SPON1: variants seen among roughly 807,000 people sequenced by gnomAD.
SPON1 encodes the protein spondin 1.
In SPON1, 52 loss-of-function variants were observed where a neutral mutation model predicts 111.7. That is an observed-to-expected ratio of 0.47 (90% CI 0.37 to 0.59). The LOEUF (loss-of-function observed/expected upper bound fraction) is 0.59. Ranked by LOEUF, SPON1 falls within the 20% of genes least tolerant of loss-of-function variation. The pLI, the probability that SPON1 is intolerant of heterozygous loss-of-function variation, is 0.00. For missense variants in SPON1, 957 were observed against 1,068.5 expected (o/e 0.90, Z 1.46); for synonymous variants, 410 against 395.8 (o/e 1.04, Z -0.43).
rs375528152 is a variant in SPON1 at position 14,259,465 on chromosome 11, C to A, written c.1663+15C>A. 6.2e-7 allele frequency: 1 copy of A among 1,600,406 alleles called. No homozygotes were observed. Reference sequence around the variant, plus strand: ...CGAGGAGTGCTGTGAGTGGGGGCCCCGGGCGGGCAGGCGGGCAAGTAGGTC... The same window carrying A: ...CGAGGAGTGCTGTGAGTGGGGGCCCAGGGCGGGCAGGCGGGCAAGTAGGTC... On this transcript the variant is annotated intron_variant, in intron 12 of 15. Coordinates refer to ENST00000576479, the MANE Select transcript of SPON1 (RefSeq NM_006108.4). This position sits in a 1 kb window ranked among gnomAD's most constrained non-coding sequence, Gnocchi z 5.0.
At position 14,153,714 on chromosome 11, in the gene SPON1, A is replaced by G. The variant is rs529177965; in HGVS notation, c.825+18146A>G. Among the ~76,000 whole-genome samples, 170 of 152,252 alleles carry G rather than the reference A, an allele frequency of 1.1e-3. 1 individual carries two copies. Among genetic ancestry groups the G allele is most frequent in the Non-Finnish European group, 2.0e-3 (133 of 68,028 alleles). ...TTCCCAACAGTCTCCCAAAGTCTTA[A>G]CTCATTCCAGATTAATTCAAATGCC... is the stretch of plus-strand genomic sequence containing the variant. On this transcript the variant is annotated intron_variant, in intron 6 of 15. Coordinates refer to ENST00000576479, the MANE Select transcript of SPON1 (RefSeq NM_006108.4).
chr11:14,182,965 A>G (rs1020600299), intron 6 of SPON1, among the ~76,000 whole-genome samples: 1 of 152,244 alleles, frequency 6.6e-6, no homozygotes, highest in South Asian at 2.1e-4. Context: ...TCTCTGCAAG[A>G]GAAGAATATA....
intron 7 of SPON1, among the ~76,000 whole-genome samples, chr11:14,247,129 C>T (rs1554940309): frequency 1.3e-5 from 2 of 152,124 alleles, no homozygotes; most frequent in East Asian, 3.9e-4. Flanking sequence ...TGAGTAAGAC[C>T]AGGTGTACTG....
At chr11:14,096,252 G>A (rs1849100050) in intron 5 of SPON1, among the ~76,000 whole-genome samples, 1 of 152,172 alleles carries the variant, frequency 6.6e-6, no homozygotes, top group Non-Finnish European at 1.5e-5. Flanking sequence ...GTTAAACAGG[G>A]AAGGCTGAAC....
chr11:14,137,551 C>T (rs1230596021), intron 6 of SPON1, among the ~76,000 whole-genome samples: 1 of 152,128 alleles, frequency 6.6e-6, no homozygotes, highest in Non-Finnish European at 1.5e-5. Context: ...CCCAGTTTTA[C>T]AGATAAGGAA....
intron 4 of SPON1, among the ~76,000 whole-genome samples, chr11:14,079,199 T>A (rs2133831727): frequency 6.6e-6 from 1 of 152,296 alleles, no homozygotes; most frequent in African/African-American, 2.4e-5. Flanking sequence ...TTTCCCCACT[T>A]ATCAGCTATT....
At chr11:14,240,648 A>ACAAAAG (rs1446822856) in intron 6 of SPON1, among the ~76,000 whole-genome samples, 2 of 140,842 alleles carry the variant, frequency 1.4e-5, no homozygotes, top group Non-Finnish European at 3.1e-5. Flanking sequence ...GTTATATATT[A>ACAAAAG]CAAAAGCAAA....
At chr11:14,214,076 C>G (rs1848602864) in intron 6 of SPON1, among the ~76,000 whole-genome samples, 1 of 152,184 alleles carries the variant, frequency 6.6e-6, no homozygotes, top group African/African-American at 2.4e-5. Context: ...GCCTCTGAAC[C>G]TCTTCAATTT....
intron 1 of SPON1, among the ~76,000 whole-genome samples, chr11:13,975,407 C>T (rs1223146825): frequency 2.0e-5 from 3 of 152,166 alleles, no homozygotes; most frequent in Non-Finnish European, 2.9e-5. Flanking sequence ...TTCATTCATT[C>T]AACAAGTATA....
chr11:14,091,688 C>G (rs1554923409), intron 5 of SPON1, among the ~76,000 whole-genome samples: 1 of 152,132 alleles, frequency 6.6e-6, no homozygotes, highest in African/African-American at 2.4e-5. Flanking sequence ...GCCCGCAGCC[C>G]CGGTTCTCGC....
chr11:14,049,003 C>G (rs2133817394), intron 3 of SPON1, among the ~76,000 whole-genome samples: 1 of 152,326 alleles, frequency 6.6e-6, no homozygotes, highest in East Asian at 1.9e-4. Context: ...GAGCCAGGCA[C>G]TGTTCTGGGT....
At chr11:13,983,022 G>T (rs935091132) in intron 2 of SPON1, 69 bp downstream of exon 2, 3 of 1,075,952 alleles carry the variant, frequency 2.8e-6, no homozygotes, top group Non-Finnish European at 2.8e-6. Context: ...AGAGGTACAA[G>T]TGTCTCAGGT....
At chr11:14,094,884 T>C (rs1244009752) in intron 5 of SPON1, among the ~76,000 whole-genome samples, 3 of 152,184 alleles carry the variant, frequency 2.0e-5, no homozygotes, top group African/African-American at 4.8e-5. Flanking sequence ...AGTCAGTTAG[T>C]GGGCAATGGT....
chr11:14,121,673 A>G (rs565740653), intron 5 of SPON1, among the ~76,000 whole-genome samples: 2 of 152,176 alleles, frequency 1.3e-5, no homozygotes, highest in Non-Finnish European at 2.9e-5. Context: ...CCTTACCCAC[A>G]TATTTCCCAT....
intron 5 of SPON1, among the ~76,000 whole-genome samples, chr11:14,106,189 T>C (rs952731511): frequency 6.6e-6 from 1 of 152,172 alleles, no homozygotes; most frequent in Non-Finnish European, 1.5e-5. Flanking sequence ...ACCCATGCAT[T>C]TTTCATTTAC....
chr11:13,964,351 G>A (rs1847999210), intron 1 of SPON1, among the ~76,000 whole-genome samples: 1 of 152,224 alleles, frequency 6.6e-6, no homozygotes, highest in African/African-American at 2.4e-5. Flanking sequence ...CCCAGCTGCT[G>A]TACTTTCCTC....
chr11:14,194,159 T>C (rs1484676519), intron 6 of SPON1, among the ~76,000 whole-genome samples: 2 of 152,168 alleles, frequency 1.3e-5, no homozygotes, highest in African/African-American at 4.8e-5. Flanking sequence ...TTCCTAGGTT[T>C]TTGTCTTTCC....
chr11:14,068,938 A>G lies in SPON1; in HGVS notation c.480-6407A>G, dbSNP rs74689366. ...TGGTACCCAGACTCAAGCCCAGTGA[A>G]TTGTATCAATGTCAATATCATGGTT... On this transcript the variant is annotated intron_variant, in intron 3 of 15. Coordinates refer to ENST00000576479, the MANE Select transcript of SPON1 (RefSeq NM_006108.4). Among the ~76,000 whole-genome samples the G allele has an allele frequency of 2.0e-3, 308 of 152,312 alleles. 1 individual carries two copies. The highest frequency in any genetic ancestry group is 7.3e-3 in the African/African-American group (303 of 41,580).
At chr11:14,045,785 A>G (rs1848664166) in intron 3 of SPON1, among the ~76,000 whole-genome samples, 1 of 151,654 alleles carries the variant, frequency 6.6e-6, no homozygotes, top group African/African-American at 2.4e-5. Context: ...TTTGTTGTAA[A>G]TTTCAAATAT....
Sources: gnomAD v4.1 joint callset for allele counts (sites outside exome capture counted in the v4.1 genomes callset) on GRCh38, gnomAD v4.1.1 for gene constraint, Gnocchi (gnomAD v3.1) non-coding constraint, MANE v1.5 for transcripts, NCBI Gene and HGNC (gene_info 2026-07-23, HGNC 2026-07-21) for gene names.